Variants in FGGY observed in about 807,000 individuals in gnomAD.
FGGY encodes FGGY carbohydrate kinase domain containing.
A neutral mutation model predicts 71.3 loss-of-function variants in FGGY; 72 were observed. The observed-to-expected ratio is 1.01, with a 90% confidence interval of 0.84 to 1.23. FGGY has a LOEUF of 1.23. Ranked by LOEUF, FGGY falls within the 50% of genes most tolerant of loss-of-function variation. The pLI, the probability that FGGY is intolerant of heterozygous loss-of-function variation, is 0.00. For synonymous variants in FGGY, 251 were observed against 250.3 expected, an observed-to-expected ratio of 1.00 and a Z score of -0.02; for missense variants, 668 against 682.3, an observed-to-expected ratio of 0.98 and a Z score of 0.23.
chr1:59,325,936 C>T (rs1015241550), intron 2 of FGGY, among the ~76,000 whole-genome samples: 5 of 152,190 alleles, frequency 3.3e-5, no homozygotes, highest in Non-Finnish European at 4.4e-5. Flanking sequence ...AGCCGCACAC[C>T]TAAGAGGTTT....
chr1:59,706,755 C>A (rs1438928112), intron 14 of FGGY, among the ~76,000 whole-genome samples: 3 of 152,164 alleles, frequency 2.0e-5, no homozygotes, highest in Non-Finnish European at 4.4e-5. Context: ...ACACTCTTAG[C>A]CCTGTGACCT....
chr1:59,414,058 A>G (rs2063990955), intron 5 of FGGY, among the ~76,000 whole-genome samples: 1 of 152,234 alleles, frequency 6.6e-6, no homozygotes, highest in African/African-American at 2.4e-5. Flanking sequence ...AGAATAACTA[A>G]CTGTATTAAA....
At chr1:59,547,206 C>T (rs561107199) in intron 7 of FGGY, among the ~76,000 whole-genome samples, 1 of 152,186 alleles carries the variant, frequency 6.6e-6, no homozygotes, top group African/African-American at 2.4e-5. Context: ...CTGCCTCGGC[C>T]TCCCAAAGTG....
At chr1:59,716,239 C>T (rs1047371581) in intron 14 of FGGY, among the ~76,000 whole-genome samples, 1 of 152,208 alleles carries the variant, frequency 6.6e-6, no homozygotes, top group Non-Finnish European at 1.5e-5. Context: ...ACCTAGCACA[C>T]AGGAGATACT....
At chr1:59,307,816 G>A (rs1173365453) in intron 1 of FGGY, among the ~76,000 whole-genome samples, 2 of 152,100 alleles carry the variant, frequency 1.3e-5, no homozygotes, top group East Asian at 1.9e-4. Flanking sequence ...AAGACAGTTT[G>A]TGAAGAAGCC....
intron 5 of FGGY, among the ~76,000 whole-genome samples, chr1:59,386,932 A>G (rs1159011508): frequency 6.6e-6 from 1 of 152,016 alleles, no homozygotes; most frequent in Admixed American, 6.6e-5. Flanking sequence ...TCTCCCCTCC[A>G]TTATAATGTA....
chr1:59,550,610 C>G (rs1313545212), intron 7 of FGGY, among the ~76,000 whole-genome samples: 1 of 152,126 alleles, frequency 6.6e-6, no homozygotes, highest in Non-Finnish European at 1.5e-5. Flanking sequence ...GGAAGGACCT[C>G]CATTTGTAAT....
At chr1:59,402,711 G>C (rs1210045655) in intron 5 of FGGY, among the ~76,000 whole-genome samples, 2 of 152,112 alleles carry the variant, frequency 1.3e-5, no homozygotes, top group Non-Finnish European at 2.9e-5. Flanking sequence ...TTGAGACAGG[G>C]TAGCAGCTCT....
intron 1 of FGGY, among the ~76,000 whole-genome samples, chr1:59,312,017 T>A (rs2044432898): frequency 6.6e-6 from 1 of 152,268 alleles, no homozygotes; most frequent in Non-Finnish European, 1.5e-5. Context: ...TTGAGCTTTT[T>A]AAAATATATT....
intron 10 of FGGY, among the ~76,000 whole-genome samples, chr1:59,627,467 TATATATATATATATATATATATAC>T (rs1289853619): frequency 8.0e-6 from 1 of 125,772 alleles, no homozygotes; most frequent in African/African-American, 3.8e-5. Flanking sequence ...TATATATATA[TATATATATATATATATATATATAC>T]ACACACACAC....
intron 1 of FGGY, among the ~76,000 whole-genome samples, chr1:59,306,228 A>G (rs2043417152): frequency 6.6e-6 from 1 of 152,176 alleles, no homozygotes; most frequent in Admixed American, 6.5e-5. Context: ...TTTGAGGAAA[A>G]TATAAATAAG....
chr1:59,570,732 G>A (rs571070687), intron 8 of FGGY, among the ~76,000 whole-genome samples: 7 of 152,114 alleles, frequency 4.6e-5, no homozygotes, highest in Admixed American at 1.3e-4. Context: ...GTTTACTTCC[G>A]AACCCACAGT....
intron 6 of FGGY, among the ~76,000 whole-genome samples, chr1:59,500,663 C>CAAAAAAAA (rs922111998): frequency 4.5e-5 from 2 of 44,770 alleles, no homozygotes; most frequent in African/African-American, 9.1e-5. Flanking sequence ...GCCTTCTTGC[C>CAAAAAAAA]AAAAAAAAAA....
intron 14 of FGGY, among the ~76,000 whole-genome samples, chr1:59,715,584 C>G (rs1331117161): frequency 3.9e-5 from 6 of 152,178 alleles, no homozygotes; most frequent in African/African-American, 7.2e-5. Flanking sequence ...AGCCTGTGCT[C>G]TAAGTCTGAC....
intron 5 of FGGY, among the ~76,000 whole-genome samples, chr1:59,392,206 T>G (rs1365668040): frequency 6.6e-6 from 1 of 152,210 alleles, no homozygotes; most frequent in Admixed American, 6.5e-5. Context: ...TTTTGTGAAC[T>G]TCATACTTTC....
chr1:59,372,833 G>GA (rs1399991873), intron 4 of FGGY, among the ~76,000 whole-genome samples: 2 of 151,802 alleles, frequency 1.3e-5, no homozygotes, highest in African/African-American at 2.4e-5. Context: ...AATAGATGCA[G>GA]AAAAGGCCTT....
intron 1 of FGGY, among the ~76,000 whole-genome samples, chr1:59,308,267 G>C (rs1339406414): frequency 1.3e-5 from 2 of 152,146 alleles, no homozygotes; most frequent in African/African-American, 4.8e-5. Flanking sequence ...ATTTGAAAGG[G>C]TAGCCCATGT....
At chr1:59,520,176 C>G (rs1378014870) in intron 7 of FGGY, among the ~76,000 whole-genome samples, 2 of 152,210 alleles carry the variant, frequency 1.3e-5, no homozygotes, top group African/African-American at 2.4e-5. Flanking sequence ...ATCAATTCAG[C>G]TTATTTCTAT....
intron 14 of FGGY, among the ~76,000 whole-genome samples, chr1:59,709,604 A>T (rs1162057119): frequency 6.6e-6 from 1 of 152,216 alleles, no homozygotes; most frequent in Non-Finnish European, 1.5e-5. Context: ...CACAGCCATC[A>T]CACAAGGAAT....
Sources: gnomAD v4.1 joint callset for allele counts (sites outside exome capture counted in the v4.1 genomes callset) on GRCh38, gnomAD v4.1.1 for gene constraint, MANE v1.5 for transcripts, NCBI Gene and HGNC (gene_info 2026-07-23, HGNC 2026-07-21) for gene names.